The following EP300 variants were observed in gnomAD, a reference collection of about 807,000 sequenced individuals.
EP300 encodes EP300 lysine acetyltransferase.
In EP300, 31 loss-of-function variants were observed where a neutral mutation model predicts 264.0. The observed-to-expected ratio is 0.12, with a 90% CI of 0.09 to 0.16. The LOEUF (loss-of-function observed/expected upper bound fraction) is 0.16. EP300 is among the 10% of genes least tolerant of loss of function. The pLI is 1.00. For missense variants in EP300, 2,766 were observed against 3,052.9 expected (o/e 0.91, Z 2.21); for synonymous variants, 1,340 against 1,045.4 (o/e 1.28, Z -5.44).
chr22:41,105,372 A>G (rs549203906), intron 1 of EP300, among the ~76,000 whole-genome samples: 3 of 151,410 alleles, frequency 2.0e-5, no homozygotes, highest in East Asian at 3.9e-4. Context: ...AAAAAATTCA[A>G]TATTGAAATG....
chr22:41,145,836 C>A (rs557222516), intron 10 of EP300, among the ~76,000 whole-genome samples: 336 of 151,976 alleles, frequency 2.2e-3, no homozygotes, highest in Non-Finnish European at 3.9e-3. Context: ...CGGGTTTCAC[C>A]GTGCTATCTA....
chr22:41,158,466 C>A lies in EP300; in HGVS notation c.3556C>A (p.Pro1186Thr), dbSNP rs2145749686. The stretch of plus-strand genomic sequence containing the variant: ...CTACGGCAAACAGTTGTGCACAATA[C>A]CTCGTGATGCCACTTATTACAGTTA... ...CCYGKQLCTI[P>T]RDATYYSYQN... The change falls in exon 19 of 31, where the codon CCT becomes ACT. Residue 1186 changes from proline to threonine, a missense_variant. Pro to Thr is a conservative substitution (Grantham distance 38). Coordinates refer to ENST00000263253, the MANE Select transcript of EP300 (RefSeq NM_001429.4). 1 of 1,614,150 alleles carries A rather than the reference C, an allele frequency of 6.2e-7. No individual in the cohort carries two copies. The highest frequency in any genetic ancestry group is 8.5e-7 in the Non-Finnish European group (1 of 1,180,014).
At position 41,146,725 on chromosome 22, in the gene EP300, CT is replaced by C. The variant is rs1569105704; in HGVS notation, c.2054-8del. 6.2e-7 allele frequency: 1 copy of C among 1,613,564 alleles called. No homozygotes were observed. The highest frequency in any genetic ancestry group is 8.5e-7 in the Non-Finnish European group (1 of 1,179,506). ...AGATGGTGCAAAGATACTTATTTCT[CT>C]TTTTTACTCTAGATGGCCCTCTACC... On this transcript the variant is annotated splice_polypyrimidine_tract_variant and intron_variant, in intron 10 of 30. Coordinates refer to ENST00000263253, the MANE Select transcript of EP300 (RefSeq NM_001429.4).
Position 41,139,598 on chromosome 22 carries a change from T to C in EP300, c.1761-542T>C, listed in dbSNP as rs778709155. On this transcript the variant is annotated intron_variant, in intron 8 of 30. Coordinates refer to ENST00000263253, the MANE Select transcript of EP300 (RefSeq NM_001429.4). ...CACATTTGTCAGTCATAAGAGATAC[T>C]AGTGCAAAACATTTTGTTAGGGAAT... Among the ~76,000 whole-genome samples, 4 of 152,214 alleles carry C rather than the reference T, an allele frequency of 2.6e-5. No individual in the cohort carries two copies. In the South Asian group the frequency reaches 8.3e-4, roughly 31 times the overall value.
intron 17 of EP300, among the ~76,000 whole-genome samples, chr22:41,156,929 GA>G (rs1489539891): frequency 2.5e-4 from 38 of 152,290 alleles, no homozygotes; most frequent in African/African-American, 8.9e-4. Flanking sequence ...TGCTTCAGTA[GA>G]ATATCAGCCT....
At chr22:41,162,910 G>C in intron 21 of EP300, 131 bp downstream of exon 21, 2 of 767,404 alleles carry the variant, frequency 2.6e-6, no homozygotes, top group Non-Finnish European at 2.3e-6. Flanking sequence ...ACATCTAATG[G>C]ATAGTAAAAC....
Position 41,141,138 on chromosome 22 carries a change from A to G in EP300, c.1969A>G (p.Met657Val), listed in dbSNP as rs368441668. The change falls in exon 10 of 31, where the codon ATG (methionine) becomes GTG (valine). Residue 657 changes from methionine to valine, a missense_variant. Coordinates refer to ENST00000263253, the MANE Select transcript of EP300 (RefSeq NM_001429.4). The part of the protein sequence containing the change: ...KRRTRLQKQN[M>V]LPNAAGMVPV... ...AAGGACCAGACTACAGAAGCAGAACATGCTACCAAATGCTGCAGGCATGGT... is the reference window on the plus strand; with the variant it reads ...AAGGACCAGACTACAGAAGCAGAACGTGCTACCAAATGCTGCAGGCATGGT... 1.2e-6 allele frequency: 2 copies of G among 1,614,106 alleles called. No individual in the cohort carries two copies. Among genetic ancestry groups the G allele is most frequent in the African/African-American group, 1.3e-5 (1 of 74,942 alleles).
intron 10 of EP300, among the ~76,000 whole-genome samples, chr22:41,145,480 T>C (rs1259209223): frequency 6.6e-6 from 1 of 152,220 alleles, no homozygotes; most frequent in Non-Finnish European, 1.5e-5. Flanking sequence ...ATGGAGGGTA[T>C]GGCCAGGGTG....
chr22:41,097,522 G>C (rs770314283), intron 1 of EP300, among the ~76,000 whole-genome samples: 3 of 152,144 alleles, frequency 2.0e-5, no homozygotes, highest in African/African-American at 4.8e-5. Context: ...GTGGTAAATA[G>C]GAAAGAGAAA....
At position 41,149,178 on chromosome 22, in the gene EP300, A is replaced by G. The variant is rs2145736244; in HGVS notation, c.2379+3A>G. The G allele has an allele frequency of 6.2e-7, 1 of 1,614,128 alleles. No homozygotes were observed. Among genetic ancestry groups the G allele is most frequent in the Non-Finnish European group, 8.5e-7 (1 of 1,180,018 alleles). On this transcript the variant is annotated splice_donor_region_variant and intron_variant, in intron 13 of 30. Coordinates refer to ENST00000263253, the MANE Select transcript of EP300 (RefSeq NM_001429.4). ...GCGGTCAAGCTCCAGTGTCTCAAGT[A>G]TGTCTCATAAGTGGATTTTTCACTT...
intron 2 of EP300, among the ~76,000 whole-genome samples, chr22:41,119,179 T>A (rs1247854650): frequency 3.7e-4 from 49 of 131,436 alleles, no homozygotes; most frequent in African/African-American, 1.3e-3. Flanking sequence ...ATTATTATTT[T>A]TTTTTTTTTT....
intron 1 of EP300, among the ~76,000 whole-genome samples, chr22:41,095,799 T>C (rs1044199046): frequency 6.6e-6 from 1 of 152,150 alleles, no homozygotes; most frequent in African/African-American, 2.4e-5. Context: ...CTTGCAAATT[T>C]CGTGATGTAA....
chr22:41,131,782 G>A (rs910785752), intron 6 of EP300, 149 bp downstream of exon 6: 11 of 1,145,788 alleles, frequency 9.6e-6, no homozygotes, highest in Middle Eastern at 2.1e-4. Flanking sequence ...GTCCCTTACA[G>A]TTCATCTACG....
chr22:41,146,418 C>A, intron 10 of EP300: 1 of 347,116 alleles, frequency 2.9e-6, no homozygotes, highest in Non-Finnish European at 5.5e-6. Flanking sequence ...CCACCCACCT[C>A]AGCCTCCCAA....
chr22:41,173,094 G>C (rs925221698), intron 28 of EP300, among the ~76,000 whole-genome samples: 9 of 152,122 alleles, frequency 5.9e-5, no homozygotes, highest in African/African-American at 1.9e-4. Flanking sequence ...AAGTTACTAA[G>C]CCTGGCTTAG....
chr22:41,167,857 A>G (rs1256304294), intron 23 of EP300, among the ~76,000 whole-genome samples: 2 of 75,568 alleles, frequency 2.6e-5, no homozygotes, highest in East Asian at 3.8e-4. Flanking sequence ...TTTTTGAGAC[A>G]GAGTCTCGCT....
chr22:41,111,989 G>A (rs1016110775), intron 1 of EP300, among the ~76,000 whole-genome samples: 3 of 132,440 alleles, frequency 2.3e-5, no homozygotes, highest in Non-Finnish European at 3.1e-5. Flanking sequence ...CCGGGTTCAC[G>A]CCATCCTCCT....
chr22:41,161,449 C>G (rs2059107790), intron 20 of EP300, among the ~76,000 whole-genome samples: 2 of 152,058 alleles, frequency 1.3e-5, no homozygotes, highest in African/African-American at 4.8e-5. Context: ...AGCCCTGTCT[C>G]TACTAAAAAT....
intron 17 of EP300, among the ~76,000 whole-genome samples, chr22:41,155,939 A>G (rs1266023946): frequency 6.6e-6 from 1 of 151,902 alleles, no homozygotes; most frequent in Non-Finnish European, 1.5e-5. Flanking sequence ...TTAAGTTTTT[A>G]TTTCTCCTTG....
Sources: allele counts gnomAD v4.1 joint callset (sites outside exome capture counted in the v4.1 genomes callset), GRCh38; gene constraint gnomAD v4.1.1; transcripts MANE v1.5; gene names NCBI Gene and HGNC (gene_info 2026-07-23, HGNC 2026-07-21).